AP3B1: variants seen among roughly 807,000 people sequenced by gnomAD.
The protein encoded by AP3B1 is adaptor related protein complex 3 subunit beta 1.
AP3B1 carries 61 observed loss-of-function variants against 132.5 expected under a neutral mutation model. The observed-to-expected ratio is 0.46, with a 90% confidence interval of 0.37 to 0.57. The LOEUF is 0.57. Among genes scored for constraint, AP3B1 ranks in the 20% least tolerant of loss-of-function variants. The pLI is 0.00. For synonymous variants in AP3B1, 388 were observed against 438.3 expected, an observed-to-expected ratio of 0.89 and a Z score of 1.43; for missense variants, 1,120 against 1,289.4, an observed-to-expected ratio of 0.87 and a Z score of 2.01.
At chr5:78,121,376 A>T (rs192331402) in intron 17 of AP3B1, among the ~76,000 whole-genome samples, 2 of 152,306 alleles carry the variant, frequency 1.3e-5, no homozygotes, top group Admixed American at 6.5e-5. Flanking sequence ...AGACAGAAAA[A>T]ACCCTTCAAA....
intron 1 of AP3B1, among the ~76,000 whole-genome samples, chr5:78,292,691 A>G (rs1370135169): frequency 6.6e-6 from 1 of 152,240 alleles, no homozygotes; most frequent in Non-Finnish European, 1.5e-5. Context: ...CTCAATAAAT[A>G]TCTTTCGGGG....
chr5:78,028,418 C>T (rs961892033), intron 24 of AP3B1, among the ~76,000 whole-genome samples: 7 of 150,218 alleles, frequency 4.7e-5, no homozygotes, highest in South Asian at 2.1e-4. Flanking sequence ...GAGCTGAGAG[C>T]GCCTGGGCAA....
intron 7 of AP3B1, among the ~76,000 whole-genome samples, chr5:78,204,472 G>A (rs1745422765): frequency 6.6e-6 from 1 of 152,202 alleles, no homozygotes; most frequent in South Asian, 2.1e-4. Flanking sequence ...CTGAGTAGGT[G>A]TCTAACCCTA....
intron 13 of AP3B1, among the ~76,000 whole-genome samples, chr5:78,159,478 G>A (rs1172765056): frequency 1.3e-5 from 2 of 152,052 alleles, no homozygotes; most frequent in African/African-American, 4.8e-5. Context: ...GAAGTTCTAG[G>A]GGAAATCTTT....
At chr5:78,207,257 C>CAAAAA (rs35228759) in intron 7 of AP3B1, among the ~76,000 whole-genome samples, 1 of 116,142 alleles carries the variant, frequency 8.6e-6, no homozygotes, top group African/African-American at 3.3e-5. Flanking sequence ...GACTCAGTGT[C>CAAAAA]AAAAAAAAAA....
intron 22 of AP3B1, among the ~76,000 whole-genome samples, chr5:78,077,530 AT>A (rs1749813686): frequency 6.6e-6 from 1 of 152,074 alleles, no homozygotes; most frequent in Non-Finnish European, 1.5e-5. Flanking sequence ...CATTACTACA[AT>A]TTTCCCATGA....
chr5:78,004,839 A>G (rs1296145878), intron 26 of AP3B1, among the ~76,000 whole-genome samples: 1 of 152,166 alleles, frequency 6.6e-6, no homozygotes, highest in African/African-American at 2.4e-5. Flanking sequence ...AATCATACCA[A>G]TGTTTTTAAA....
intron 17 of AP3B1, among the ~76,000 whole-genome samples, chr5:78,121,383 CA>C (rs997267768): frequency 2.6e-5 from 4 of 151,916 alleles, no homozygotes; most frequent in African/African-American, 7.3e-5. Context: ...AAAAACCCTT[CA>C]AAAAAATCAA....
intron 1 of AP3B1, among the ~76,000 whole-genome samples, chr5:78,277,928 TCATATTTGC>T (rs70997981): frequency 0.22 from 34,109 of 151,922 alleles, 4,449 homozygotes; most frequent in Middle Eastern, 0.31. Context: ...CAGGACATCT[TCATATTTGC>T]CATGATCTTT....
chr5:78,010,566 C>T (rs3776924), intron 26 of AP3B1, among the ~76,000 whole-genome samples: 47,538 of 152,042 alleles, frequency 0.31, 8,074 homozygotes, highest in Admixed American at 0.43. Context: ...TGCAATGTAA[C>T]AAAAGCAAGG....
intron 2 of AP3B1, among the ~76,000 whole-genome samples, chr5:78,262,916 T>C (rs1420984050): frequency 2.0e-5 from 3 of 152,082 alleles, no homozygotes; most frequent in Non-Finnish European, 2.9e-5. Flanking sequence ...ATGATCCTCC[T>C]GCCTCAGCTT....
chr5:78,182,892 C>T (rs757591267), intron 7 of AP3B1, among the ~76,000 whole-genome samples: 3 of 152,214 alleles, frequency 2.0e-5, no homozygotes, highest in African/African-American at 7.2e-5. Context: ...GGTAACAAGG[C>T]ATTCTGATAT....
intron 24 of AP3B1, among the ~76,000 whole-genome samples, chr5:78,026,867 A>T (rs888859028): frequency 6.6e-6 from 1 of 152,210 alleles, no homozygotes; most frequent in Non-Finnish European, 1.5e-5. Flanking sequence ...CCTAAATATT[A>T]GTGATGTTGA....
intron 1 of AP3B1, among the ~76,000 whole-genome samples, chr5:78,281,762 TAATGGGTGCAGAG>T (rs1246762828): frequency 6.6e-6 from 1 of 152,032 alleles, no homozygotes; most frequent in Non-Finnish European, 1.5e-5. Flanking sequence ...GGGATTTATT[TAATGGGTGCAGAG>T]TTTCAGTGGT....
At chr5:78,147,872 A>G (rs1240797218) in intron 14 of AP3B1, among the ~76,000 whole-genome samples, 1 of 152,128 alleles carries the variant, frequency 6.6e-6, no homozygotes, top group Non-Finnish European at 1.5e-5. Context: ...CATCTCTACT[A>G]AAAACACAAA....
chr5:78,117,345 C>T (rs1422927425), intron 17 of AP3B1, among the ~76,000 whole-genome samples: 3 of 150,818 alleles, frequency 2.0e-5, no homozygotes, highest in African/African-American at 4.9e-5. Context: ...AGTCTCGCTC[C>T]GTCGCCCAGG....
intron 1 of AP3B1, among the ~76,000 whole-genome samples, chr5:78,280,036 G>T (rs1748983850): frequency 7.1e-6 from 1 of 140,310 alleles, no homozygotes. Flanking sequence ...TCGTGCCACT[G>T]CACTCCAGCC....
intron 1 of AP3B1, among the ~76,000 whole-genome samples, chr5:78,286,560 G>T (rs1749290542): frequency 6.6e-6 from 1 of 152,116 alleles, no homozygotes. Flanking sequence ...CTCAATCTTG[G>T]ACTTCCTGGC....
chr5:78,141,039 A>AT lies in AP3B1; in HGVS notation c.1650+103_1650+104insA. On this transcript the variant is annotated intron_variant, in intron 15 of 26. Coordinates refer to ENST00000255194, the MANE Select transcript of AP3B1 (RefSeq NM_003664.5). ...GAACCTGAAACAAACAGGCACCTAG[A>AT]AATTGTTGAATGGTCAGACTAATGA... 2.8e-6 allele frequency: 3 copies of AT among 1,054,264 alleles called. No individual in the cohort carries two copies. The East Asian group carries it at 7.1e-5, about 25-fold the overall frequency. 65.3% of individuals were successfully genotyped at this position (1,054,264 alleles called of 1,614,324 possible).
Sources: gnomAD v4.1 joint callset for allele counts (sites outside exome capture counted in the v4.1 genomes callset) on GRCh38, gnomAD v4.1.1 for gene constraint, MANE v1.5 for transcripts, NCBI Gene and HGNC (gene_info 2026-07-23, HGNC 2026-07-21) for gene names.